SEC14L1: variants seen among roughly 807,000 people sequenced by gnomAD.
The protein encoded by SEC14L1 is SEC14-like protein 1.
SEC14L1 carries 48 observed loss-of-function variants against 85.3 expected under a neutral mutation model. That is an observed-to-expected ratio of 0.56 (90% confidence interval 0.45 to 0.72). The LOEUF (loss-of-function observed/expected upper bound fraction) is 0.72, where lower values mean the gene tolerates loss of function less well. Ranked by LOEUF, SEC14L1 falls within the 30% of genes least tolerant of loss-of-function variation. SEC14L1 has a pLI of 0.00. For missense variants in SEC14L1, 682 were observed against 921.4 expected, an observed-to-expected ratio of 0.74 and a Z score of 3.36; for synonymous variants, 391 against 355.5, an observed-to-expected ratio of 1.10 and a Z score of -1.12.
At chr17:77,143,912 A>C in intron 3 of SEC14L1, 1 of 337,896 alleles carries the variant, frequency 3.0e-6, no homozygotes. Context: ...CCCTTTGAAC[A>C]CACAGAAGTG....
At chr17:77,185,992 A>C (rs1235210152) in intron 3 of SEC14L1, among the ~76,000 whole-genome samples, 2 of 152,238 alleles carry the variant, frequency 1.3e-5, no homozygotes, top group African/African-American at 4.8e-5. Flanking sequence ...AGATAAATAT[A>C]AAGAATATAT....
chr17:77,200,666 C>T lies in SEC14L1; in HGVS notation c.1002C>T (p.His334=), dbSNP rs772992933. 6 of 1,612,104 alleles carry T rather than the reference C, an allele frequency of 3.7e-6. No individual in the cohort carries two copies. The highest frequency in any genetic ancestry group is 2.2e-5 in the South Asian group (2 of 90,704). Residue 334 remains histidine, a synonymous_variant, in exon 9 of 17, where the codon CAC becomes CAT. Transcript: ENST00000436233. Reference sequence around the variant, plus strand: ...ACTACGCGGGAGGCTGGCATCATCACGACAAAGGTACCGGATGGAGTTGAA... The same window carrying T: ...ACTACGCGGGAGGCTGGCATCATCATGACAAAGGTACCGGATGGAGTTGAA... ...QDYYAGGWHH[H]DKDGRPLYVL...
upstream of SEC14L1, among the ~76,000 whole-genome samples, chr17:77,138,541 A>G (rs1972859613): frequency 6.6e-6 from 1 of 152,104 alleles, no homozygotes; most frequent in Non-Finnish European, 1.5e-5. Context: ...AATCACTTGA[A>G]CCCAGGAGGT....
At chr17:77,145,758 C>A (rs1973272561) in intron 3 of SEC14L1, among the ~76,000 whole-genome samples, 4 of 152,114 alleles carry the variant, frequency 2.6e-5, no homozygotes, top group African/African-American at 9.7e-5. Flanking sequence ...GCTCCAGAGC[C>A]TGGTAGTGGA....
chr17:77,150,296 G>C (rs1410531801), intron 3 of SEC14L1, among the ~76,000 whole-genome samples: 1 of 152,172 alleles, frequency 6.6e-6, no homozygotes, highest in Non-Finnish European at 1.5e-5. Flanking sequence ...AGTGACTAGT[G>C]TAAGACTGCT....
chr17:77,183,334 TTC>T (rs147934378), intron 3 of SEC14L1, among the ~76,000 whole-genome samples: 2,229 of 152,380 alleles, frequency 0.015, 51 homozygotes, highest in Admixed American at 0.041. Flanking sequence ...CACATTTGCT[TTC>T]TCTGTCTCTT....
intron 9 of SEC14L1, among the ~76,000 whole-genome samples, chr17:77,201,185 C>T (rs1442012356): frequency 6.6e-6 from 1 of 152,144 alleles, no homozygotes; most frequent in African/African-American, 2.4e-5. Flanking sequence ...TAAATGAGAA[C>T]CTTAAAACAC....
intron 3 of SEC14L1, among the ~76,000 whole-genome samples, chr17:77,153,818 G>T (rs1403452665): frequency 6.6e-6 from 1 of 152,212 alleles, no homozygotes; most frequent in Non-Finnish European, 1.5e-5. Flanking sequence ...GTTCACTGTA[G>T]AGAGGATTTT....
chr17:77,180,149 G>C (rs1440169125), intron 3 of SEC14L1, among the ~76,000 whole-genome samples: 1 of 151,690 alleles, frequency 6.6e-6, no homozygotes, highest in Non-Finnish European at 1.5e-5. Context: ...AGTCACCCAG[G>C]CTGGAGTGCA....
intron 3 of SEC14L1, among the ~76,000 whole-genome samples, chr17:77,178,204 G>A (rs1462265087): frequency 3.9e-5 from 6 of 151,966 alleles, no homozygotes; most frequent in African/African-American, 7.3e-5. Flanking sequence ...GGAGGAGACC[G>A]TCGTCAGTAA....
intron 3 of SEC14L1, among the ~76,000 whole-genome samples, chr17:77,166,424 T>C (rs1189276212): frequency 2.6e-5 from 4 of 152,228 alleles, no homozygotes; most frequent in African/African-American, 9.6e-5. Flanking sequence ...CTAAAGCCTG[T>C]GCTCTGAAAT....
At chr17:77,205,022 A>G (rs1976392857) in intron 10 of SEC14L1, among the ~76,000 whole-genome samples, 1 of 152,098 alleles carries the variant, frequency 6.6e-6, no homozygotes, top group African/African-American at 2.4e-5. Context: ...ATCTGGGGAT[A>G]CCTCTGTGCT....
At chr17:77,147,096 A>G (rs1204686293) in intron 3 of SEC14L1, among the ~76,000 whole-genome samples, 5 of 152,228 alleles carry the variant, frequency 3.3e-5, no homozygotes, top group Non-Finnish European at 5.9e-5. Context: ...TGGCGGCAGG[A>G]GTGGCCGGCA....
intron 3 of SEC14L1, among the ~76,000 whole-genome samples, chr17:77,107,341 A>G (rs767105541): frequency 5.9e-5 from 9 of 152,206 alleles, no homozygotes; most frequent in Non-Finnish European, 1.2e-4. Context: ...ATGGAGGCTC[A>G]GGGACGATCA....
chr17:77,151,090 G>C (rs572630354), intron 3 of SEC14L1, among the ~76,000 whole-genome samples: 2 of 152,132 alleles, frequency 1.3e-5, no homozygotes, highest in South Asian at 2.1e-4. Context: ...AGATCTTCCA[G>C]CAGCCTAATG....
In SEC14L1 at chr17:77,175,775, C is replaced by T. The variant is rs995775381; in HGVS notation, c.64-15028C>T. Among the ~76,000 whole-genome samples, 11 of 152,304 alleles carry T rather than the reference C, an allele frequency of 7.2e-5. No individual in the cohort carries two copies. The East Asian group carries it at 9.6e-4, about 13-fold the overall frequency. On this transcript the variant is annotated intron_variant, in intron 3 of 16. Coordinates refer to ENST00000436233, the MANE Select transcript of SEC14L1 (RefSeq NM_001143998.2). ...TATTATCAAGACTTTTCCTGGGTCTCGGCTGTGCCTGTTGCTGCCTCTGGG... is the reference window on the plus strand; with the variant it reads ...TATTATCAAGACTTTTCCTGGGTCTTGGCTGTGCCTGTTGCTGCCTCTGGG...
At chr17:77,179,144 C>G (rs1974893194) in intron 3 of SEC14L1, among the ~76,000 whole-genome samples, 1 of 152,180 alleles carries the variant, frequency 6.6e-6, no homozygotes. Context: ...TGCAGAATAT[C>G]TCACAGCCCT....
At chr17:77,151,748 A>G (rs1973567889) in intron 3 of SEC14L1, among the ~76,000 whole-genome samples, 4 of 152,194 alleles carry the variant, frequency 2.6e-5, no homozygotes, top group Admixed American at 2.6e-4. Context: ...TATGCCCGTA[A>G]TCCCAGCACT....
At chr17:77,138,097 G>C (rs1178893130), upstream of SEC14L1, among the ~76,000 whole-genome samples, 4 of 152,152 alleles carry the variant, frequency 2.6e-5, no homozygotes, top group Non-Finnish European at 5.9e-5. Context: ...TTCTTGTGCT[G>C]AGTCAGTTCC....
Sources: allele counts gnomAD v4.1 joint callset (sites outside exome capture counted in the v4.1 genomes callset), GRCh38; gene constraint gnomAD v4.1.1; transcripts MANE v1.5; gene names NCBI Gene and HGNC (gene_info 2026-07-23, HGNC 2026-07-21).